SCN7A: variants seen among roughly 807,000 people sequenced by gnomAD.
SCN7A encodes sodium voltage-gated channel alpha subunit 7.
Under a neutral mutation model 155.2 loss-of-function variants are expected in SCN7A, and 138 were observed. The observed-to-expected ratio is 0.89, with a 90% CI of 0.77 to 1.02. The LOEUF is 1.02. Ranked by LOEUF, SCN7A falls within the 50% of genes least tolerant of loss-of-function variation. The pLI is 0.00. For missense variants in SCN7A, 2,058 were observed against 1,986.6 expected (o/e 1.04, Z -0.68); for synonymous variants, 693 against 649.0 (o/e 1.07, Z -1.03).
At position 166,427,828 on chromosome 2, in the gene SCN7A, C is replaced by T; in HGVS notation, c.2813G>A (p.Cys938Tyr). The T allele has an allele frequency of 6.2e-7, 1 of 1,611,842 alleles. No homozygotes were observed. The highest frequency in any genetic ancestry group is 8.5e-7 in the Non-Finnish European group (1 of 1,178,874). ...CKIVENNWFK[C>Y]FIGLVTLLST... ...GAGCAGAGTAACAAGCCCAATAAAA[C>T]ACTTAAACCAATTGTTCTCTACAAT... Residue 938 changes from cysteine to tyrosine, a missense_variant, in exon 18 of 26, where the codon TGT (cysteine) becomes TAT (tyrosine). Cys to Tyr is a radical substitution (Grantham distance 194). Coordinates refer to ENST00000643258, the MANE Select transcript of SCN7A (RefSeq NM_002976.4).
intron 16 of SCN7A, among the ~76,000 whole-genome samples, chr2:166,429,532 A>C (rs1285537110): frequency 3.3e-5 from 5 of 152,072 alleles, no homozygotes; most frequent in African/African-American, 1.2e-4. Context: ...TTAGTTTATA[A>C]CACTTTGCTT....
intron 23 of SCN7A, among the ~76,000 whole-genome samples, chr2:166,410,783 T>G (rs756807410): frequency 8.6e-5 from 13 of 151,598 alleles, no homozygotes; most frequent in Non-Finnish European, 1.9e-4. Flanking sequence ...ATCAGAAGAG[T>G]TTTTTTTACT....
intron 21 of SCN7A, among the ~76,000 whole-genome samples, chr2:166,414,291 C>T (rs78426071): frequency 0.057 from 2,432 of 42,654 alleles, 115 homozygotes; most frequent in Non-Finnish European, 0.068. Context: ...TATATACACA[C>T]ACATATATAT....
At chr2:166,457,325 TTAAGG>T (rs1241015276) in intron 10 of SCN7A, among the ~76,000 whole-genome samples, 2 of 152,222 alleles carry the variant, frequency 1.3e-5, no homozygotes, top group East Asian at 1.9e-4. Flanking sequence ...TTTAATTAAC[TTAAGG>T]TAAGTATTCG....
chr2:166,426,688 C>T (rs1701631602), intron 18 of SCN7A, among the ~76,000 whole-genome samples: 1 of 152,032 alleles, frequency 6.6e-6, no homozygotes, highest in African/African-American at 2.4e-5. Flanking sequence ...AGTTGAAGTC[C>T]ACATGCTGGC....
At chr2:166,431,391 G>A (rs1458763279) in intron 16 of SCN7A, among the ~76,000 whole-genome samples, 3 of 152,060 alleles carry the variant, frequency 2.0e-5, no homozygotes, top group South Asian at 2.1e-4. Flanking sequence ...ATTGTAGAGA[G>A]CATCTGCCAA....
At chr2:166,443,734 T>TTC (rs1236805608) in intron 13 of SCN7A, 58 bp from the exon 14 acceptor site, 36 of 1,260,336 alleles carry the variant, frequency 2.9e-5, no homozygotes, top group Non-Finnish European at 3.8e-5. Flanking sequence ...TATCAGAATC[T>TTC]TCACACACAA....
chr2:166,430,899 A>G (rs1701719668), intron 16 of SCN7A, among the ~76,000 whole-genome samples: 1 of 152,068 alleles, frequency 6.6e-6, no homozygotes. Flanking sequence ...GGGCTACATA[A>G]TCTAGAAAGC....
chr2:166,455,867 A>G (rs1248922514), intron 11 of SCN7A, among the ~76,000 whole-genome samples: 1 of 152,254 alleles, frequency 6.6e-6, no homozygotes, highest in Admixed American at 6.5e-5. Context: ...ACTTATTTTG[A>G]ACCAGGCTTG....
At position 166,404,667 on chromosome 2, in the gene SCN7A, T is replaced by C. The variant is rs1045573879; in HGVS notation, c.*913A>G. 2.0e-5 allele frequency: 3 copies of C among 151,742 alleles called. No individual in the cohort carries two copies. Among genetic ancestry groups the C allele is most frequent in the Admixed American group, 6.6e-5 (1 of 15,190 alleles). 9.4% of individuals were successfully genotyped at this position (151,742 alleles called of 1,614,324 possible). Reference sequence around the variant, plus strand: ...CTTCTAATTCATGTTTAAACATACATTTGTCAGATCTTATATATTCAATGT... The same window carrying C: ...CTTCTAATTCATGTTTAAACATACACTTGTCAGATCTTATATATTCAATGT... On this transcript the variant is annotated 3_prime_UTR_variant, in exon 26 of 26. Transcript: ENST00000643258.
intron 21 of SCN7A, among the ~76,000 whole-genome samples, chr2:166,414,287 C>T (rs190130438): frequency 0.28 from 8,085 of 28,948 alleles, 1,460 homozygotes; most frequent in African/African-American, 0.48. Flanking sequence ...TATATATATA[C>T]ACACACATAT....
rs756465998 is a variant in SCN7A, at chr2:166,441,660, G to A, written c.1893C>T (p.Val631=). ...AGAAGATGAATGTGAACAACAACAG[G>A]ACCAAGTCTTTCAGGGCCACCCATG... is the stretch of plus-strand genomic sequence containing the variant. ...SNSWVALKDL[V]LLLFTFIFFS... The change falls in exon 15 of 26, where the codon GTC becomes GTT. Residue 631 remains valine, a synonymous_variant. Coordinates refer to ENST00000643258, the MANE Select transcript of SCN7A (RefSeq NM_002976.4). The A allele has an allele frequency of 6.2e-7, 1 of 1,613,784 alleles. No homozygotes were observed. Among genetic ancestry groups the A allele is most frequent in the Admixed American group, 1.7e-5 (1 of 59,998 alleles).
chr2:166,409,578 TG>T, intron 25 of SCN7A, 86 bp downstream of exon 25: 1 of 1,028,458 alleles, frequency 9.7e-7, no homozygotes, highest in Non-Finnish European at 1.4e-6. Flanking sequence ...GATTTTGAAA[TG>T]TAGGAGACTA....
intron 10 of SCN7A, 45 bp from the exon 11 acceptor site, chr2:166,457,121 A>G: frequency 1.5e-6 from 2 of 1,341,182 alleles, no homozygotes; most frequent in Non-Finnish European, 2.0e-6. Context: ...AATGTTATTT[A>G]TCTTCCAGGA....
intron 1 of SCN7A, among the ~76,000 whole-genome samples, chr2:166,488,453 A>C (rs1161842711): frequency 6.6e-6 from 1 of 152,156 alleles, no homozygotes; most frequent in Non-Finnish European, 1.5e-5. Context: ...AAGGATAGAC[A>C]TAAAGTTGCC....
At chr2:166,492,863 T>C (rs1168708089) in intron 1 of SCN7A, among the ~76,000 whole-genome samples, 1 of 152,226 alleles carries the variant, frequency 6.6e-6, no homozygotes, top group African/African-American at 2.4e-5. Flanking sequence ...GAGTGTCATT[T>C]ATAAATAAAG....
rs531500903 is a variant in SCN7A, at chr2:166,404,261, T to C, written c.*1319A>G. ...CAAACTACATAGAAGTAAATGACTA[T>C]ATTTGTATGAATAAGTCTAAGGACA... On this transcript the variant is annotated 3_prime_UTR_variant, in exon 26 of 26. Coordinates refer to ENST00000643258, the MANE Select transcript of SCN7A (RefSeq NM_002976.4). 6.6e-6 allele frequency: 1 copy of C among 151,984 alleles called. No individual in the cohort carries two copies. Among genetic ancestry groups the C allele is most frequent in the Non-Finnish European group, 1.5e-5 (1 of 67,920 alleles). 9.4% of individuals were successfully genotyped at this position (151,984 alleles called of 1,614,324 possible).
intron 11 of SCN7A, among the ~76,000 whole-genome samples, chr2:166,450,162 T>A (rs1338882582): frequency 6.6e-6 from 1 of 152,224 alleles, no homozygotes; most frequent in Non-Finnish European, 1.5e-5. Context: ...TGCAGCTTGA[T>A]GAACATGGAC....
chr2:166,433,401 A>C (rs1041998201), intron 15 of SCN7A, among the ~76,000 whole-genome samples: 1 of 152,128 alleles, frequency 6.6e-6, no homozygotes, highest in Non-Finnish European at 1.5e-5. Context: ...CTACAATACT[A>C]TTCAGTTCTT....
Sources: allele counts gnomAD v4.1 joint callset (sites outside exome capture counted in the v4.1 genomes callset), GRCh38; gene constraint gnomAD v4.1.1; transcripts MANE v1.5; gene names NCBI Gene and HGNC (gene_info 2026-07-23, HGNC 2026-07-21).